Variants in DGKI observed in about 807,000 individuals in gnomAD.
DGKI encodes the protein diacylglycerol kinase iota.
DGKI carries 55 observed loss-of-function variants against 147.5 expected under a neutral mutation model. That is an observed-to-expected ratio of 0.37 (90% CI 0.30 to 0.47). The LOEUF is 0.47. Among genes scored for constraint, DGKI ranks in the 20% least tolerant of loss-of-function variants. The probability of loss-of-function intolerance (pLI) is 1.00; values close to 1 mark genes in which losing one functional copy is unlikely to be tolerated. For missense variants in DGKI, 1,007 were observed against 1,323.8 expected, an observed-to-expected ratio of 0.76 and a Z score of 3.71; for synonymous variants, 469 against 477.1, an observed-to-expected ratio of 0.98 and a Z score of 0.22.
intron 6 of DGKI, among the ~76,000 whole-genome samples, chr7:137,628,388 A>C (rs994882395): frequency 6.6e-6 from 1 of 152,208 alleles, no homozygotes; most frequent in Non-Finnish European, 1.5e-5. Flanking sequence ...GACTCACAGC[A>C]ACCATAGCTT....
intron 1 of DGKI, among the ~76,000 whole-genome samples, chr7:137,797,648 A>C (rs1797074085): frequency 6.6e-6 from 1 of 152,158 alleles, no homozygotes; most frequent in Admixed American, 6.5e-5. Flanking sequence ...CCTCAGAAAA[A>C]AGCAGTAATA....
intron 20 of DGKI, among the ~76,000 whole-genome samples, chr7:137,541,888 A>G (rs1393165901): frequency 2.0e-5 from 3 of 146,950 alleles, no homozygotes; most frequent in Admixed American, 1.4e-4. Flanking sequence ...CTCTATAAAG[A>G]AAAAAAAAAA....
At chr7:137,724,757 A>T (rs1794672932) in intron 1 of DGKI, among the ~76,000 whole-genome samples, 2 of 152,196 alleles carry the variant, frequency 1.3e-5, no homozygotes. Context: ...CTAAGCAGAG[A>T]TGTCAAGTAG....
intron 1 of DGKI, among the ~76,000 whole-genome samples, chr7:137,785,712 G>A (rs185760575): frequency 3.3e-5 from 5 of 152,060 alleles, no homozygotes; most frequent in African/African-American, 2.4e-5. Flanking sequence ...CAACACAGAT[G>A]CAAAAATCCC....
intron 21 of DGKI, among the ~76,000 whole-genome samples, chr7:137,520,937 G>A (rs937200490): frequency 2.0e-5 from 3 of 152,052 alleles, no homozygotes; most frequent in Non-Finnish European, 4.4e-5. Flanking sequence ...CAGGTAGCCA[G>A]GTCTACACTT....
At chr7:137,461,580 T>C (rs1333837536) in intron 27 of DGKI, among the ~76,000 whole-genome samples, 1 of 152,176 alleles carries the variant, frequency 6.6e-6, no homozygotes, top group Admixed American at 6.5e-5. Context: ...TTTAAGTGAT[T>C]TAACACAACA....
intron 30 of DGKI, 124 bp downstream of exon 30, chr7:137,407,751 C>T: frequency 1.5e-6 from 2 of 1,308,226 alleles, no homozygotes; most frequent in East Asian, 4.7e-5. Context: ...GCAGAGTCTG[C>T]TAAAAGTTCG....
chr7:137,515,548 T>C (rs916115942), intron 21 of DGKI, among the ~76,000 whole-genome samples: 3 of 152,162 alleles, frequency 2.0e-5, no homozygotes, highest in African/African-American at 7.2e-5. Context: ...AATGGAATTG[T>C]GAAAGACTGA....
At chr7:137,556,985 G>C (rs1415087986) in intron 19 of DGKI, among the ~76,000 whole-genome samples, 2 of 151,514 alleles carry the variant, frequency 1.3e-5, no homozygotes, top group East Asian at 3.9e-4. Context: ...ACTCTAAAAA[G>C]AAAAAAGAAG....
At chr7:137,484,568 G>A (rs1815486061) in intron 23 of DGKI, among the ~76,000 whole-genome samples, 1 of 152,026 alleles carries the variant, frequency 6.6e-6, no homozygotes, top group African/African-American at 2.4e-5. Flanking sequence ...GCTTTGTTTG[G>A]GCTCCTTGCA....
chr7:137,414,193 A>G (rs1372186164), intron 28 of DGKI, among the ~76,000 whole-genome samples: 2 of 152,198 alleles, frequency 1.3e-5, no homozygotes, highest in African/African-American at 4.8e-5. Context: ...GCAAAGGACC[A>G]TAAGAATGTT....
chr7:137,434,694 C>A (rs1813215993), intron 28 of DGKI, among the ~76,000 whole-genome samples: 1 of 151,876 alleles, frequency 6.6e-6, no homozygotes, highest in Admixed American at 6.6e-5. Flanking sequence ...TCCAGAAAAA[C>A]CAGAACAATC....
chr7:137,679,063 T>A (rs1823138030), intron 2 of DGKI, among the ~76,000 whole-genome samples: 1 of 152,160 alleles, frequency 6.6e-6, no homozygotes, highest in Non-Finnish European at 1.5e-5. Context: ...ACAAATTAGC[T>A]AAAAAGGAGG....
At chr7:137,573,982 C>T (rs1407010010) in intron 17 of DGKI, among the ~76,000 whole-genome samples, 2 of 152,230 alleles carry the variant, frequency 1.3e-5, no homozygotes, top group Non-Finnish European at 2.9e-5. Context: ...CTCGTATTTG[C>T]TTTCCTTATA....
At chr7:137,449,357 C>A (rs1273901021) in intron 27 of DGKI, among the ~76,000 whole-genome samples, 1 of 152,144 alleles carries the variant, frequency 6.6e-6, no homozygotes. Flanking sequence ...AACTGATTTT[C>A]AGCAAAAGCT....
intron 1 of DGKI, chr7:137,722,460 G>A (rs1794593182): frequency 1.2e-6 from 2 of 1,610,874 alleles, no homozygotes; most frequent in Middle Eastern, 3.3e-4. Context: ...GACGCCACAG[G>A]GGCAAGAGGG....
intron 3 of DGKI, among the ~76,000 whole-genome samples, chr7:137,677,487 A>T (rs1823075245): frequency 6.6e-6 from 1 of 152,166 alleles, no homozygotes; most frequent in African/African-American, 2.4e-5. Flanking sequence ...AAACTCTCCA[A>T]ATGAAATTTA....
intron 1 of DGKI, among the ~76,000 whole-genome samples, chr7:137,704,642 A>C (rs570638304): frequency 6.6e-6 from 1 of 152,336 alleles, no homozygotes; most frequent in African/African-American, 2.4e-5. Context: ...AGGGGGAAGA[A>C]AAATATTAAT....
intron 21 of DGKI, among the ~76,000 whole-genome samples, chr7:137,517,279 A>AAAAGAAAGAAAGAAAGAAAG (rs3051933): frequency 1.0e-4 from 8 of 79,744 alleles, no homozygotes; most frequent in Admixed American, 1.4e-4. Context: ...AAAGAAAAGA[A>AAAAGAAAGAAAGAAAGAAAG]AAAGAAAGAA....
Sources: gnomAD v4.1 joint callset for allele counts (sites outside exome capture counted in the v4.1 genomes callset) on GRCh38, gnomAD v4.1.1 for gene constraint, MANE v1.5 for transcripts, NCBI Gene and HGNC (gene_info 2026-07-23, HGNC 2026-07-21) for gene names.